Variants in PPP2R3A observed in about 807,000 individuals in gnomAD.
PPP2R3A encodes the protein protein phosphatase 2 regulatory subunit B''alpha, also known as serine/threonine-protein phosphatase 2A regulatory subunit B'' subunit alpha.
Under a neutral mutation model 106.9 loss-of-function variants are expected in PPP2R3A, and 80 were observed. The ratio of observed to expected loss-of-function variants is 0.75; its 90% CI spans 0.62 to 0.90. The LOEUF is 0.90. Ranked by LOEUF, PPP2R3A falls within the 40% of genes least tolerant of loss-of-function variation. The pLI is 0.00. For missense variants in PPP2R3A, 1,386 were observed against 1,350.4 expected, an observed-to-expected ratio of 1.03 and a Z score of -0.41; for synonymous variants, 483 against 468.3, an observed-to-expected ratio of 1.03 and a Z score of -0.41.
rs992814553 is a variant in PPP2R3A at position 136,138,964 on chromosome 3, G to C, written c.3330-6079G>C. On this transcript the variant is annotated intron_variant, in intron 13 of 13. Coordinates refer to ENST00000264977, the MANE Select transcript of PPP2R3A (RefSeq NM_002718.5). ...AACCTCAGGTGATCTGCCCACATTG[G>C]CCTCCCCCAAAGTGCTGGGATTACA... Among the ~76,000 whole-genome samples, 5 of 151,798 alleles carry C rather than the reference G, an allele frequency of 3.3e-5. No individual in the cohort carries two copies. In the South Asian group the frequency reaches 6.2e-4, roughly 19 times the overall value.
At position 136,145,166 on chromosome 3, in the gene PPP2R3A, G is replaced by A; in HGVS notation, c.3453G>A (p.Ter1151=). Residue 1151 remains the stop codon, a stop_retained_variant, in exon 14 of 14, where the codon TAG becomes TAA. Coordinates refer to ENST00000264977, the MANE Select transcript of PPP2R3A (RefSeq NM_002718.5). ...AGCTTCAATCAGTGGATGAAGAATA[G>A]CTGCCGGTGTCTACAATGAAACGAA... ...CGKLQSVDEE[*] 1 of 1,604,844 alleles carries A rather than the reference G, an allele frequency of 6.2e-7. No homozygotes were observed. The highest frequency in any genetic ancestry group is 8.5e-7 in the Non-Finnish European group (1 of 1,177,496).
At chr3:135,998,378 A>G (rs111496438) in intron 1 of PPP2R3A, among the ~76,000 whole-genome samples, 2,331 of 152,374 alleles carry the variant, frequency 0.015, 38 homozygotes, top group Non-Finnish European at 0.024. Flanking sequence ...CAAGTGAACA[A>G]TGACAAAATG....
intron 11 of PPP2R3A, among the ~76,000 whole-genome samples, chr3:136,102,567 G>A (rs1462151076): frequency 1.6e-4 from 24 of 151,818 alleles, no homozygotes; most frequent in Non-Finnish European, 3.2e-4. Flanking sequence ...GGCTGGTCTC[G>A]AACTCCTGAC....
chr3:135,984,274 G>A (rs1164292077), intron 1 of PPP2R3A, among the ~76,000 whole-genome samples: 1 of 152,134 alleles, frequency 6.6e-6, no homozygotes, highest in Non-Finnish European at 1.5e-5. Context: ...TGACAAAAGA[G>A]CTTTGATCTT....
intron 13 of PPP2R3A, among the ~76,000 whole-genome samples, chr3:136,130,166 G>A (rs771023454): frequency 1.1e-4 from 17 of 152,062 alleles, no homozygotes; most frequent in Non-Finnish European, 2.5e-4. Flanking sequence ...TTCTGTCCAG[G>A]GCAGTCAGGC....
chr3:136,051,832 A>G (rs114278526), intron 5 of PPP2R3A, among the ~76,000 whole-genome samples: 1,906 of 152,310 alleles, frequency 0.013, 41 homozygotes, highest in African/African-American at 0.044. Context: ...CACTACCCTG[A>G]CTAATAACAC....
At chr3:136,069,344 A>AG (rs1936358154) in intron 5 of PPP2R3A, among the ~76,000 whole-genome samples, 1 of 152,282 alleles carries the variant, frequency 6.6e-6, no homozygotes, top group East Asian at 1.9e-4. Flanking sequence ...TGGGAGGCCT[A>AG]GGGGAGTGGA....
At position 136,077,556 on chromosome 3, in the gene PPP2R3A, C is replaced by T. The variant is rs546314958; in HGVS notation, c.2545-811C>T. ...AAATTGCTCTTTTTACCACTGCTTC[C>T]TTTGGGAGAAGAAAAATAATCAGTG... On this transcript the variant is annotated intron_variant, in intron 6 of 13. Coordinates refer to ENST00000264977, the MANE Select transcript of PPP2R3A (RefSeq NM_002718.5). Among the ~76,000 whole-genome samples, 75 of 128,944 alleles carry T rather than the reference C, an allele frequency of 5.8e-4. 1 individual carries two copies. Among genetic ancestry groups the T allele is most frequent in the South Asian group, 2.2e-3 (8 of 3,642 alleles). The allele number at this position is 128,944 out of a possible 152,430, so 84.6% of individuals were successfully genotyped here.
At chr3:136,110,959 G>A (rs1327895112) in intron 13 of PPP2R3A, among the ~76,000 whole-genome samples, 2 of 151,996 alleles carry the variant, frequency 1.3e-5, no homozygotes, top group African/African-American at 4.8e-5. Flanking sequence ...AATTATTCAA[G>A]TACTGCAAAA....
chr3:136,113,584 A>G (rs1358552614), intron 13 of PPP2R3A, among the ~76,000 whole-genome samples: 1 of 152,192 alleles, frequency 6.6e-6, no homozygotes, highest in Non-Finnish European at 1.5e-5. Context: ...TGAGGCTAGG[A>G]GTTCGAGACT....
chr3:135,995,163 G>A (rs1024421548), intron 1 of PPP2R3A, among the ~76,000 whole-genome samples: 1 of 152,162 alleles, frequency 6.6e-6, no homozygotes, highest in Non-Finnish European at 1.5e-5. Context: ...GAGACCAAAA[G>A]CCTGGGGGGG....
rs1038726045 is a variant in PPP2R3A, at chr3:136,022,254, AGTT to A, written c.1996-4574_1996-4572del. On this transcript the variant is annotated intron_variant, in intron 2 of 13. Transcript: ENST00000264977. Reference sequence around the variant, plus strand: ...TATCTAAAACTTTTCTATGGCATTCAGTTGTTCTACTTTCTTAATACTTCCAAG... The same window carrying A: ...TATCTAAAACTTTTCTATGGCATTCAGTTCTACTTTCTTAATACTTCCAAG... Among the ~76,000 whole-genome samples the A allele has an allele frequency of 3.3e-5, 5 of 152,190 alleles. No homozygotes were observed. In the South Asian group the frequency reaches 8.3e-4, roughly 25 times the overall value.
chr3:136,118,225 G>C (rs1041217525), intron 13 of PPP2R3A, among the ~76,000 whole-genome samples: 2 of 152,048 alleles, frequency 1.3e-5, no homozygotes, highest in Non-Finnish European at 2.9e-5. Context: ...ATGGAACACA[G>C]TCTCAAAATA....
chr3:136,068,243 C>T (rs1936321063), intron 5 of PPP2R3A, among the ~76,000 whole-genome samples: 1 of 152,072 alleles, frequency 6.6e-6, no homozygotes, highest in East Asian at 1.9e-4. Context: ...ACACAGGAGC[C>T]AACCTGAAGG....
Position 135,993,729 on chromosome 3 carries a change from C to T in PPP2R3A, c.-440-7330C>T, listed in dbSNP as rs527470104. 2.6e-5 allele frequency among the ~76,000 whole-genome samples: 4 copies of T among 152,296 alleles called. No individual in the cohort carries two copies. In the South Asian group the frequency reaches 8.3e-4, roughly 32 times the overall value. Reference sequence around the variant, plus strand: ...TGAATAGACAAAACAAATTCTGGTACATTCATACAGTGGAATACTACTCAG... The same window carrying T: ...TGAATAGACAAAACAAATTCTGGTATATTCATACAGTGGAATACTACTCAG... On this transcript the variant is annotated intron_variant, in intron 1 of 13. Transcript: ENST00000264977.
chr3:136,046,208 T>C (rs1042782581), intron 4 of PPP2R3A, among the ~76,000 whole-genome samples: 10 of 152,242 alleles, frequency 6.6e-5, no homozygotes, highest in Admixed American at 4.6e-4. Flanking sequence ...TCCCAGCACG[T>C]TGGGAGGCCG....
chr3:136,111,216 T>C (rs538141248), intron 13 of PPP2R3A, among the ~76,000 whole-genome samples: 4 of 152,318 alleles, frequency 2.6e-5, no homozygotes, highest in African/African-American at 4.8e-5. Context: ...ATCACAGATA[T>C]ATAAGAGAGA....
chr3:136,096,097 ATACTG>A (rs1167094754), intron 10 of PPP2R3A, among the ~76,000 whole-genome samples: 3 of 152,184 alleles, frequency 2.0e-5, no homozygotes, highest in African/African-American at 4.8e-5. Context: ...AATTTATTGA[ATACTG>A]TACTGAAAGT....
At chr3:136,018,278 G>T (rs926687105) in intron 2 of PPP2R3A, among the ~76,000 whole-genome samples, 1 of 152,056 alleles carries the variant, frequency 6.6e-6, no homozygotes, top group Non-Finnish European at 1.5e-5. Context: ...AAAAAATAAA[G>T]GGGTAGACTT....
Sources: allele counts gnomAD v4.1 joint callset (sites outside exome capture counted in the v4.1 genomes callset), GRCh38; gene constraint gnomAD v4.1.1; transcripts MANE v1.5; gene names NCBI Gene and HGNC (gene_info 2026-07-23, HGNC 2026-07-21).